The following KCNN3 variants were observed in gnomAD, a reference collection of about 807,000 sequenced individuals.
KCNN3 encodes the protein small conductance calcium-activated potassium channel protein 3.
A neutral mutation model predicts 62.9 loss-of-function variants in KCNN3; 16 were observed. The ratio of observed to expected loss-of-function variants is 0.25; its 90% CI spans 0.17 to 0.39. KCNN3 has a LOEUF of 0.39. KCNN3 is among the 10% of genes least tolerant of loss of function. The pLI is 1.00. For synonymous variants in KCNN3, 370 were observed against 389.2 expected, an observed-to-expected ratio of 0.95 and a Z score of 0.58; for missense variants, 599 against 949.4, an observed-to-expected ratio of 0.63 and a Z score of 4.85.
chr1:154,854,828 G>A (rs1297388262), intron 1 of KCNN3, among the ~76,000 whole-genome samples: 1 of 152,142 alleles, frequency 6.6e-6, no homozygotes, highest in Non-Finnish European at 1.5e-5. Flanking sequence ...TTTCTAAAAT[G>A]GAAAAAAACT....
chr1:154,834,072 A>G (rs1363993301), intron 1 of KCNN3, among the ~76,000 whole-genome samples: 2 of 152,236 alleles, frequency 1.3e-5, no homozygotes, highest in Non-Finnish European at 2.9e-5. Flanking sequence ...GTGATGGACG[A>G]TGTTGATAGA....
At chr1:154,803,983 C>A (rs753267388) in intron 2 of KCNN3, among the ~76,000 whole-genome samples, 1 of 152,232 alleles carries the variant, frequency 6.6e-6, no homozygotes, top group African/African-American at 2.4e-5. Context: ...CCCGTCTCCC[C>A]GTGCAACTCT....
intron 3 of KCNN3, among the ~76,000 whole-genome samples, chr1:154,753,137 A>C (rs1571239772): frequency 6.6e-6 from 1 of 152,380 alleles, no homozygotes; most frequent in South Asian, 2.1e-4. Context: ...TTGACAAAAT[A>C]ATTCTAAAGC....
intron 1 of KCNN3, chr1:154,868,274 A>G (rs1212944424): frequency 1.2e-5 from 12 of 985,548 alleles, no homozygotes; most frequent in Admixed American, 6.1e-5. Flanking sequence ...AGCCATTTTT[A>G]TCAGGAGATG....
At chr1:154,812,960 T>C (rs1650480490) in intron 2 of KCNN3, among the ~76,000 whole-genome samples, 1 of 152,220 alleles carries the variant, frequency 6.6e-6, no homozygotes, top group South Asian at 2.1e-4. Flanking sequence ...CCCGACATTT[T>C]CCTCTCCTTG....
intron 2 of KCNN3, among the ~76,000 whole-genome samples, chr1:154,813,046 C>G (rs1184961997): frequency 1.3e-5 from 2 of 152,200 alleles, no homozygotes; most frequent in African/African-American, 2.4e-5. Context: ...AATCTGCCCA[C>G]TTTACAGACA....
chr1:154,807,788 G>T (rs1228918878), intron 2 of KCNN3, among the ~76,000 whole-genome samples: 1 of 152,166 alleles, frequency 6.6e-6, no homozygotes. Context: ...CCTGGCTCCT[G>T]GTTGGGTGGT....
At chr1:154,712,154 G>A (rs1039863668) in intron 7 of KCNN3, among the ~76,000 whole-genome samples, 3 of 152,204 alleles carry the variant, frequency 2.0e-5, no homozygotes. Context: ...GGTCTAGTTC[G>A]AGTCAGTTCC....
In KCNN3 at chr1:154,773,137, A is replaced by G. The variant is rs183187645; in HGVS notation, c.1030-744T>C. 4.1e-3 allele frequency among the ~76,000 whole-genome samples: 626 copies of G among 152,200 alleles called. 2 individuals are homozygous for G. The highest frequency in any genetic ancestry group is 7.1e-3 in the Non-Finnish European group (484 of 67,996). On this transcript the variant is annotated intron_variant, in intron 2 of 7. Coordinates refer to ENST00000271915, the MANE Select transcript of KCNN3 (RefSeq NM_002249.6). ...GGTACTATTGGGTACAGTACCCAAT[A>G]GTTATTTTTTCTGATCCTCTCCCTC...
At chr1:154,712,026 G>A (rs1423166797) in intron 7 of KCNN3, among the ~76,000 whole-genome samples, 1 of 151,852 alleles carries the variant, frequency 6.6e-6, no homozygotes. Flanking sequence ...GGAAGAGAGA[G>A]ACAGGGAAAG....
rs554952464 is a variant in KCNN3, at chr1:154,835,612, G to A, written c.934-13428C>T. 1.1e-4 allele frequency among the ~76,000 whole-genome samples: 17 copies of A among 152,286 alleles called. No homozygotes were observed. In the East Asian group the frequency reaches 3.3e-3, roughly 29 times the overall value. ...TTTAAGGTTTATTTCATCAATTATG[G>A]ACAATCACGGCCATGTGCCTTGCTT... On this transcript the variant is annotated intron_variant, in intron 1 of 7. Coordinates refer to ENST00000271915, the MANE Select transcript of KCNN3 (RefSeq NM_002249.6).
At chr1:154,813,350 G>A (rs1046261855) in intron 2 of KCNN3, among the ~76,000 whole-genome samples, 3 of 152,022 alleles carry the variant, frequency 2.0e-5, no homozygotes, top group Non-Finnish European at 4.4e-5. Context: ...GGCCTAGGGC[G>A]AGGACAAGTG....
At chr1:154,766,854 G>C (rs980101041) in intron 3 of KCNN3, among the ~76,000 whole-genome samples, 1 of 151,796 alleles carries the variant, frequency 6.6e-6, no homozygotes, top group Non-Finnish European at 1.5e-5. Context: ...TAATTTTTTT[G>C]TATTTTTAGT....
intron 2 of KCNN3, among the ~76,000 whole-genome samples, chr1:154,810,531 G>A (rs1040236791): frequency 6.6e-6 from 1 of 152,204 alleles, no homozygotes; most frequent in Non-Finnish European, 1.5e-5. Flanking sequence ...CCCTGAGATG[G>A]CTGCCCTTCT....
chr1:154,763,329 GTTC>G (rs889821929), intron 3 of KCNN3, among the ~76,000 whole-genome samples: 31 of 151,838 alleles, frequency 2.0e-4, no homozygotes, highest in Non-Finnish European at 2.8e-4. Flanking sequence ...GGTTTGTTTT[GTTC>G]TTCTAATGGA....
In KCNN3 at chr1:154,863,870, A is replaced by G. The variant is rs866993685; in HGVS notation, c.933+5162T>C. 3.3e-4 allele frequency among the ~76,000 whole-genome samples: 50 copies of G among 152,366 alleles called. 1 individual carries two copies. The highest frequency in any genetic ancestry group is 3.4e-3 in the Middle Eastern group (1 of 294). On this transcript the variant is annotated intron_variant, in intron 1 of 7. Transcript: ENST00000271915. ...GTGTGATGAAGTCTTTCCCCAGGAC[A>G]GTTATAAATAGTGTGATGACACGCA...
chr1:154,745,587 G>A (rs1258938167), intron 3 of KCNN3, among the ~76,000 whole-genome samples: 3 of 152,148 alleles, frequency 2.0e-5, no homozygotes, highest in African/African-American at 7.2e-5. Context: ...GGGTCTCTTG[G>A]TCTTGCTCAA....
intron 2 of KCNN3, among the ~76,000 whole-genome samples, chr1:154,815,219 A>C (rs946831529): frequency 6.6e-6 from 1 of 152,206 alleles, no homozygotes; most frequent in African/African-American, 2.4e-5. Flanking sequence ...AGACACCCTT[A>C]GGAAACCTCT....
intron 1 of KCNN3, among the ~76,000 whole-genome samples, chr1:154,837,860 G>A (rs1651656840): frequency 6.6e-6 from 1 of 152,202 alleles, no homozygotes; most frequent in African/African-American, 2.4e-5. Flanking sequence ...TTGGCCCAAG[G>A]GGGTGAACTG....
Sources: gnomAD v4.1 joint callset for allele counts (sites outside exome capture counted in the v4.1 genomes callset) on GRCh38, gnomAD v4.1.1 for gene constraint, MANE v1.5 for transcripts, NCBI Gene and HGNC (gene_info 2026-07-23, HGNC 2026-07-21) for gene names.